The following SYCP2 variants were observed in gnomAD, a reference collection of about 807,000 sequenced individuals.
SYCP2 encodes the protein synaptonemal complex lateral element protein.
In SYCP2, 55 loss-of-function variants were observed where a neutral mutation model predicts 211.3. The ratio of observed to expected loss-of-function variants is 0.26; its 90% confidence interval spans 0.21 to 0.33. SYCP2 has a LOEUF of 0.33. Among genes scored for constraint, SYCP2 ranks in the 10% least tolerant of loss-of-function variants. SYCP2 has a pLI of 1.00. For synonymous variants in SYCP2, 570 were observed against 555.2 expected, an observed-to-expected ratio of 1.03 and a Z score of -0.37; for missense variants, 1,731 against 1,752.0, an observed-to-expected ratio of 0.99 and a Z score of 0.21.
chr20:59,865,751 T>A (rs2059319614), intron 42 of SYCP2, 56 bp downstream of exon 42: 3 of 1,043,376 alleles, frequency 2.9e-6, no homozygotes, highest in Non-Finnish European at 2.6e-6. Context: ...AATAGAAATT[T>A]ATTAATTTAA....
chr20:59,915,132 G>A (rs369379171), intron 10 of SYCP2, 33 bp downstream of exon 10: 28 of 1,364,112 alleles, frequency 2.1e-5, no homozygotes, highest in East Asian at 2.3e-5. Context: ...CATAAATATG[G>A]AATAATTTTA....
chr20:59,907,230 GA>G, intron 15 of SYCP2, 133 bp downstream of exon 15: 1 of 640,996 alleles, frequency 1.6e-6, no homozygotes. Context: ...GGTGTTTGAT[GA>G]ATTTCTGAAT....
At position 59,895,530 on chromosome 20, in the gene SYCP2, A is replaced by G; in HGVS notation, c.1572T>C (p.Ser524=). ...LQMTSSAEKP[S]VSQTSENRVD... ...CTCTATTTTCTGATGTTTGAGAAAC[A>G]CTAGGTTTCTCTGCAGAGCTCGTCA... Residue 524 remains serine, a synonymous_variant, in exon 20 of 45, where the codon AGT becomes AGC. Coordinates refer to ENST00000357552, the MANE Select transcript of SYCP2 (RefSeq NM_014258.4). 1 of 1,611,182 alleles carries G rather than the reference A, an allele frequency of 6.2e-7. No individual in the cohort carries two copies. Among genetic ancestry groups the G allele is most frequent in the Non-Finnish European group, 8.5e-7 (1 of 1,177,672 alleles).
intron 31 of SYCP2, among the ~76,000 whole-genome samples, chr20:59,880,044 C>A (rs758297498): frequency 6.6e-6 from 1 of 150,600 alleles, no homozygotes; most frequent in Non-Finnish European, 1.5e-5. Context: ...TAATACTGGG[C>A]CATGAGTAGA....
intron 35 of SYCP2, among the ~76,000 whole-genome samples, chr20:59,872,213 A>C (rs189997119): frequency 1.3e-4 from 20 of 152,158 alleles, no homozygotes; most frequent in East Asian, 1.2e-3. Flanking sequence ...AAAAATATTA[A>C]ATGGAACATT....
Position 59,915,449 on chromosome 20 carries a change from A to G in SYCP2, c.599+16T>C, listed in dbSNP as rs369934405. The stretch of plus-strand genomic sequence containing the variant: ...TGGATTTTAAGAATAAAAACCATAT[A>G]AGTACAGATTATTACATGAGAATTA... On this transcript the variant is annotated intron_variant, in intron 9 of 44. Coordinates refer to ENST00000357552, the MANE Select transcript of SYCP2 (RefSeq NM_014258.4). The G allele has an allele frequency of 2.0e-6, 3 of 1,502,396 alleles. No individual in the cohort carries two copies. In the African/African-American group the frequency reaches 4.2e-5, roughly 21 times the overall value. The allele number at this position is 1,502,396 out of a possible 1,614,324, so 93.1% of individuals were successfully genotyped here.
intron 22 of SYCP2, 79 bp downstream of exon 22, chr20:59,893,063 C>T (rs1312821444): frequency 2.0e-6 from 2 of 990,910 alleles, no homozygotes; most frequent in African/African-American, 1.7e-5. Flanking sequence ...ATATACAGTC[C>T]TTTTCCTCCA....
chr20:59,885,765 A>T lies in SYCP2; in HGVS notation c.2529+163T>A, dbSNP rs776939339. On this transcript the variant is annotated intron_variant, in intron 26 of 44. Transcript: ENST00000357552. ...TTGAAAAACAGAAGGTTGGAGGGCT[A>T]TTTTGAGTACTTGCTATTAAACCTG... Among the ~76,000 whole-genome samples, 95 of 152,206 alleles carry T rather than the reference A, an allele frequency of 6.2e-4. 1 individual carries two copies. Among genetic ancestry groups the T allele is most frequent in the Non-Finnish European group, 1.0e-3 (71 of 68,006 alleles).
At chr20:59,871,840 A>G (rs1034783692) in intron 35 of SYCP2, among the ~76,000 whole-genome samples, 3 of 152,144 alleles carry the variant, frequency 2.0e-5, no homozygotes, top group Admixed American at 1.3e-4. Flanking sequence ...AAGTCTGTAC[A>G]TGTTCAATAC....
Position 59,891,842 on chromosome 20 carries a change from A to C in SYCP2, c.2364+148T>G. 4 of 645,538 alleles carry C rather than the reference A, an allele frequency of 6.2e-6. No individual in the cohort carries two copies. In the South Asian group the frequency reaches 8.9e-5, roughly 14 times the overall value. 40.0% of individuals were successfully genotyped at this position (645,538 alleles called of 1,614,324 possible). On this transcript the variant is annotated intron_variant, in intron 24 of 44. Transcript: ENST00000357552. ...TCAGAGCTACGACAAGGGAGAGGTG[A>C]GTGAGGAATTCTGAGAGTCTGGGCA...
At chr20:59,896,353 G>T in intron 19 of SYCP2, 76 bp downstream of exon 19, 1 of 756,310 alleles carries the variant, frequency 1.3e-6, no homozygotes, top group Non-Finnish European at 2.2e-6. Flanking sequence ...TGTAAATTAT[G>T]TTCAGAATTG....
At position 59,875,403 on chromosome 20, in the gene SYCP2, C is replaced by T; in HGVS notation, c.3217G>A (p.Ala1073Thr). The change falls in exon 34 of 45, where the codon GCT becomes ACT. Residue 1073 changes from alanine to threonine, a missense_variant. Coordinates refer to ENST00000357552, the MANE Select transcript of SYCP2 (RefSeq NM_014258.4). Reference sequence around the variant, plus strand: ...TTTGATAGTTCCTTTTCTGTTTCAGCACAGAAGACTTTCTGTTGTTTCTTT... The same window carrying T: ...TTTGATAGTTCCTTTTCTGTTTCAGTACAGAAGACTTTCTGTTGTTTCTTT... The part of the protein sequence containing the change: ...LPKKQQKVFC[A>T]ETEKELSKQW... 1 of 1,612,756 alleles carries T rather than the reference C, an allele frequency of 6.2e-7. No homozygotes were observed. The highest frequency in any genetic ancestry group is 1.3e-5 in the African/African-American group (1 of 74,900).
At chr20:59,896,681 G>C (rs1464759405) in intron 18 of SYCP2, among the ~76,000 whole-genome samples, 153 bp from the exon 19 acceptor site, 1 of 152,032 alleles carries the variant, frequency 6.6e-6, no homozygotes, top group Admixed American at 6.6e-5. Context: ...CATGTTTTAG[G>C]CTGATATGAA....
intron 40 of SYCP2, 22 bp from the exon 41 acceptor site, chr20:59,866,414 A>T (rs968044875): frequency 1.3e-6 from 2 of 1,560,924 alleles, no homozygotes; most frequent in African/African-American, 2.8e-5. Context: ...ACAAAATGAG[A>T]TTAATTTTAA....
At chr20:59,908,681 T>C (rs542086846) in intron 14 of SYCP2, among the ~76,000 whole-genome samples, 2 of 152,300 alleles carry the variant, frequency 1.3e-5, no homozygotes, top group Non-Finnish European at 1.5e-5. Flanking sequence ...TCAGAAATCA[T>C]AGTATTATAA....
At chr20:59,902,149 CA>C (rs2060127058) in intron 15 of SYCP2, among the ~76,000 whole-genome samples, 1 of 151,952 alleles carries the variant, frequency 6.6e-6, no homozygotes, top group Admixed American at 6.6e-5. Flanking sequence ...AAAAGGCAAA[CA>C]AAAACAATAA....
chr20:59,908,194 A>G (rs1358540669), intron 14 of SYCP2, among the ~76,000 whole-genome samples: 1 of 152,224 alleles, frequency 6.6e-6, no homozygotes, highest in Non-Finnish European at 1.5e-5. Flanking sequence ...GCTTGCAGTG[A>G]GCCAAGATCG....
intron 36 of SYCP2, among the ~76,000 whole-genome samples, chr20:59,869,202 A>G (rs549874426): frequency 1.3e-5 from 2 of 151,682 alleles, no homozygotes; most frequent in Non-Finnish European, 3.0e-5. Context: ...TTGAGTCAGG[A>G]AATGAGGAGC....
At chr20:59,893,657 G>T in intron 20 of SYCP2, 64 bp from the exon 21 acceptor site, 1 of 1,206,502 alleles carries the variant, frequency 8.3e-7, no homozygotes, top group African/African-American at 1.5e-5. Context: ...AAATGTTACA[G>T]TATTAAGGTT....
Sources: allele counts gnomAD v4.1 joint callset (sites outside exome capture counted in the v4.1 genomes callset), GRCh38; gene constraint gnomAD v4.1.1; transcripts MANE v1.5; gene names NCBI Gene and HGNC (gene_info 2026-07-23, HGNC 2026-07-21).